Variants in DENND4C observed in about 807,000 individuals in gnomAD.
DENND4C encodes DENN domain containing 4C, also known as DENN domain-containing protein 4C.
Under a neutral mutation model 203.0 loss-of-function variants are expected in DENND4C, and 108 were observed. The ratio of observed to expected loss-of-function variants is 0.53; its 90% confidence interval spans 0.46 to 0.62. The LOEUF is 0.62. Ranked by LOEUF, DENND4C falls within the 20% of genes least tolerant of loss-of-function variation. The pLI, the probability that DENND4C is intolerant of heterozygous loss-of-function variation, is 0.00. For synonymous variants in DENND4C, 871 were observed against 792.4 expected, an observed-to-expected ratio of 1.10 and a Z score of -1.67; for missense variants, 2,481 against 2,301.2, an observed-to-expected ratio of 1.08 and a Z score of -1.60.
chr9:19,249,108 T>C (rs1825948152), intron 1 of DENND4C, among the ~76,000 whole-genome samples: 1 of 152,010 alleles, frequency 6.6e-6, no homozygotes, highest in African/African-American at 2.4e-5. Flanking sequence ...ATCTATGTTT[T>C]TGAAAATATA....
intron 10 of DENND4C, among the ~76,000 whole-genome samples, chr9:19,313,779 T>C (rs768544116): frequency 8.2e-4 from 125 of 152,240 alleles, no homozygotes; most frequent in Admixed American, 1.7e-3. Context: ...ACTTACAGTT[T>C]CTTGTGCCAT....
chr9:19,302,601 G>T (rs571547361), intron 9 of DENND4C, among the ~76,000 whole-genome samples: 1 of 152,360 alleles, frequency 6.6e-6, no homozygotes, highest in South Asian at 2.1e-4. Context: ...CTTTGTGAGT[G>T]ATAGTTGCAG....
At chr9:19,349,138 G>A (rs1161558774) in intron 23 of DENND4C, among the ~76,000 whole-genome samples, 5 of 152,042 alleles carry the variant, frequency 3.3e-5, no homozygotes, top group African/African-American at 1.2e-4. Context: ...TTGGTTATGA[G>A]GACTCATGCC....
intron 29 of DENND4C, 80 bp downstream of exon 29, chr9:19,360,569 T>C (rs79922813): frequency 0.12 from 177,733 of 1,528,434 alleles, 15,756 homozygotes; most frequent in African/African-American, 0.46. Flanking sequence ...TATACAACAG[T>C]AGCAGCTTAA....
At chr9:19,257,741 A>C (rs1828342124) in intron 1 of DENND4C, among the ~76,000 whole-genome samples, 2 of 152,234 alleles carry the variant, frequency 1.3e-5, no homozygotes, top group Admixed American at 1.3e-4. Flanking sequence ...AATGGATAGT[A>C]ATAGAATATT....
intron 4 of DENND4C, among the ~76,000 whole-genome samples, chr9:19,289,398 C>T (rs554976228): frequency 6.6e-6 from 1 of 152,290 alleles, no homozygotes; most frequent in Admixed American, 6.5e-5. Flanking sequence ...AGTTTTACTT[C>T]AGGGAAGTCA....
chr9:19,288,680 A>T lies in DENND4C; in HGVS notation c.628+15A>T. ...ATATAAGGCTGGTAAGTGAGTTAAA[A>T]AAAATTGTCTCAATTGCTATAGTTA... On this transcript the variant is annotated intron_variant, in intron 4 of 32. Coordinates refer to ENST00000434457, the MANE Select transcript of DENND4C (RefSeq NM_001330640.2). 1 of 1,227,708 alleles carries T rather than the reference A, an allele frequency of 8.1e-7. No homozygotes were observed. The highest frequency in any genetic ancestry group is 4.2e-5 in the Admixed American group (1 of 23,696). The allele number at this position is 1,227,708 out of a possible 1,614,324, so 76.1% of individuals were successfully genotyped here.
At chr9:19,242,403 T>C (rs190717238) in intron 1 of DENND4C, among the ~76,000 whole-genome samples, 2 of 152,362 alleles carry the variant, frequency 1.3e-5, no homozygotes, top group African/African-American at 4.8e-5. Context: ...TTTGTGTAAC[T>C]ATAAGTTTTT....
At chr9:19,279,333 G>T (rs1057056906) in intron 2 of DENND4C, among the ~76,000 whole-genome samples, 2 of 151,496 alleles carry the variant, frequency 1.3e-5, no homozygotes, top group Non-Finnish European at 2.9e-5. Context: ...GGAGGCTGAG[G>T]TGGGAGGAGG....
chr9:19,337,791 C>A, intron 20 of DENND4C: 1 of 462,092 alleles, frequency 2.2e-6, no homozygotes, highest in Non-Finnish European at 3.7e-6. Flanking sequence ...GCCTTTTCTC[C>A]TTCAGATAAA....
chr9:19,263,893 C>T (rs2093094259), intron 1 of DENND4C, among the ~76,000 whole-genome samples: 1 of 152,050 alleles, frequency 6.6e-6, no homozygotes. Context: ...CTCCTGACCT[C>T]AGGTGATCTG....
intron 17 of DENND4C, among the ~76,000 whole-genome samples, chr9:19,333,698 G>T (rs1351304574): frequency 6.6e-6 from 1 of 152,144 alleles, no homozygotes; most frequent in Non-Finnish European, 1.5e-5. Context: ...TCTCTCTCAA[G>T]CCTTAGAAAC....
At chr9:19,310,663 A>G (rs956132907) in intron 10 of DENND4C, among the ~76,000 whole-genome samples, 5 of 152,186 alleles carry the variant, frequency 3.3e-5, no homozygotes, top group Admixed American at 2.6e-4. Context: ...TCATAAGTAG[A>G]TACTGAATTT....
intron 26 of DENND4C, among the ~76,000 whole-genome samples, chr9:19,356,288 A>G (rs1014313007): frequency 4.6e-5 from 7 of 152,106 alleles, no homozygotes; most frequent in Non-Finnish European, 5.9e-5. Flanking sequence ...TTTATTGACA[A>G]TTTTTTTATT....
At position 19,305,222 on chromosome 9, in the gene DENND4C, G is replaced by T; in HGVS notation, c.1312-130G>T. The T allele has an allele frequency of 1.1e-5, 8 of 701,052 alleles. No homozygotes were observed. The South Asian group carries it at 1.3e-4, about 12-fold the overall frequency. The allele number at this position is 701,052 out of a possible 1,614,324, so 43.4% of individuals were successfully genotyped here. On this transcript the variant is annotated intron_variant, in intron 9 of 32. Transcript: ENST00000434457. Reference sequence around the variant, plus strand: ...AGTATTTTATAGTCATTTAGTTTTGGAATGAAGTTTAAGGTAAACAAAACA... The same window carrying T: ...AGTATTTTATAGTCATTTAGTTTTGTAATGAAGTTTAAGGTAAACAAAACA...
At chr9:19,296,312 T>A in intron 6 of DENND4C, 66 bp downstream of exon 6, 1 of 1,167,514 alleles carries the variant, frequency 8.6e-7, no homozygotes, top group Non-Finnish European at 1.2e-6. Context: ...CATTTGTTTG[T>A]GTAATTTTTA....
chr9:19,311,978 A>C lies in DENND4C; in HGVS notation c.1488-4439A>C, dbSNP rs1294150825. Among the ~76,000 whole-genome samples, 5 of 152,356 alleles carry C rather than the reference A, an allele frequency of 3.3e-5. No homozygotes were observed. In the East Asian group the frequency reaches 9.6e-4, roughly 29 times the overall value. On this transcript the variant is annotated intron_variant, in intron 10 of 32. Coordinates refer to ENST00000434457, the MANE Select transcript of DENND4C (RefSeq NM_001330640.2). Reference sequence around the variant, plus strand: ...GTATGAAATCATGTTTGTTCAAAATAGAAAAAGAAAAATCCAGATGTCCCA... The same window carrying C: ...GTATGAAATCATGTTTGTTCAAAATCGAAAAAGAAAAATCCAGATGTCCCA...
intron 12 of DENND4C, among the ~76,000 whole-genome samples, chr9:19,317,416 G>A (rs4977532): frequency 0.25 from 38,350 of 151,870 alleles, 5,031 homozygotes; most frequent in East Asian, 0.43. Flanking sequence ...AGGGAAAAAC[G>A]TATACTCGTT....
chr9:19,233,810 T>G (rs1284027132), intron 1 of DENND4C, among the ~76,000 whole-genome samples: 3 of 152,156 alleles, frequency 2.0e-5, no homozygotes, highest in Non-Finnish European at 4.4e-5. Flanking sequence ...CCAGGTGGCC[T>G]GATGTCAGGT....
Sources: allele counts gnomAD v4.1 joint callset (sites outside exome capture counted in the v4.1 genomes callset), GRCh38; gene constraint gnomAD v4.1.1; transcripts MANE v1.5; gene names NCBI Gene and HGNC (gene_info 2026-07-23, HGNC 2026-07-21).